The following LRRC23 variants were observed in gnomAD, a reference collection of about 807,000 sequenced individuals.
LRRC23 encodes the protein leucine rich repeat containing 23.
Under a neutral mutation model 37.7 loss-of-function variants are expected in LRRC23, and 28 were observed. The observed-to-expected ratio is 0.74, with a 90% CI of 0.55 to 1.02. The LOEUF (loss-of-function observed/expected upper bound fraction) is 1.02. LRRC23 is among the 50% of genes least tolerant of loss of function. The pLI, the probability that LRRC23 is intolerant of heterozygous loss-of-function variation, is 0.00. For synonymous variants in LRRC23, 161 were observed against 165.4 expected (o/e 0.97, Z 0.20); for missense variants, 377 against 413.2 (o/e 0.91, Z 0.76).
intron 7 of LRRC23, 173 bp from the exon 8 acceptor site, chr12:6,913,718 C>G (rs1555141154): frequency 2.2e-6 from 1 of 458,826 alleles, no homozygotes; most frequent in African/African-American, 2.0e-5. Flanking sequence ...GCGCATGCAA[C>G]CGCGCCTGGC....
At chr12:6,909,482 T>A (rs1475451334) in intron 5 of LRRC23, among the ~76,000 whole-genome samples, 1 of 100,390 alleles carries the variant, frequency 1.0e-5, no homozygotes, top group Non-Finnish European at 1.8e-5. Flanking sequence ...ATTTTATATA[T>A]TATATAATAT....
intron 4 of LRRC23, 154 bp downstream of exon 4, chr12:6,906,816 C>A: frequency 1.2e-6 from 1 of 832,554 alleles, no homozygotes; most frequent in Non-Finnish European, 1.9e-6. Context: ...GTTCTACATG[C>A]TAACCATATA....
chr12:6,911,262 T>C (rs75257261), intron 6 of LRRC23, among the ~76,000 whole-genome samples: 1,942 of 152,274 alleles, frequency 0.013, 75 homozygotes, highest in Admixed American at 0.072. Context: ...CCTCTTTCCT[T>C]AGTCAACAAG....
Position 6,905,880 on chromosome 12 carries a change from G to A in LRRC23, c.162G>A (p.Lys54=). The part of the protein sequence containing the change: ...LPTPLTEDMM[K]EGLSLLCKTG... ...CCCCCCTCACGGAGGACATGATGAA[G>A]GAAGGGCTTTCTCTGCTCTGTAAGA... Residue 54 remains lysine (K), a synonymous_variant, in exon 3 of 8, where the codon AAG becomes AAA. Transcript: ENST00000443597. 6.2e-7 allele frequency: 1 copy of A among 1,614,010 alleles called. No individual in the cohort carries two copies. Among genetic ancestry groups the A allele is most frequent in the Non-Finnish European group, 8.5e-7 (1 of 1,179,984 alleles).
chr12:6,909,775 C>T, intron 5 of LRRC23, 115 bp from the exon 6 acceptor site: 1 of 958,748 alleles, frequency 1.0e-6, no homozygotes, highest in Non-Finnish European at 1.6e-6. Context: ...CTCCTTTCTT[C>T]CACTCCTCCC....
chr12:6,909,480 T>C (rs1555140415), intron 5 of LRRC23, among the ~76,000 whole-genome samples: 1 of 95,566 alleles, frequency 1.0e-5, no homozygotes, highest in African/African-American at 4.9e-5. Flanking sequence ...ATATTTTATA[T>C]ATTATATAAT....
In LRRC23 at chr12:6,906,397, TC is replaced by T. The variant is rs782533906; in HGVS notation, c.237-10del. On this transcript the variant is annotated splice_polypyrimidine_tract_variant and intron_variant, in intron 3 of 7. Transcript: ENST00000443597. ...CCTAAACCTGGTTTCTTCTCCCTCT[TC>T]CATCTCCTAGGGACCTGACAGACAT... 1.9e-6 allele frequency: 3 copies of T among 1,611,846 alleles called. No individual in the cohort carries two copies. The highest frequency in any genetic ancestry group is 2.5e-6 in the Non-Finnish European group (3 of 1,179,024).
At chr12:6,908,836 A>T (rs868934585) in intron 5 of LRRC23, among the ~76,000 whole-genome samples, 1 of 143,588 alleles carries the variant, frequency 7.0e-6, no homozygotes, top group African/African-American at 2.6e-5. Context: ...AAAAAAAAAA[A>T]GAAAGAATCA....
At chr12:6,906,070 A>C in intron 3 of LRRC23, 116 bp downstream of exon 3, 1 of 922,224 alleles carries the variant, frequency 1.1e-6, no homozygotes, top group South Asian at 1.4e-5. Context: ...GCCTAGTGGA[A>C]AGGGAAGGAC....
intron 7 of LRRC23, 180 bp downstream of exon 7, chr12:6,913,207 C>G (rs1366286639): frequency 1.4e-5 from 9 of 625,336 alleles, no homozygotes; most frequent in Non-Finnish European, 2.5e-5. Context: ...GGGCCTGGGA[C>G]CAGCTGAGAA....
chr12:6,913,857 C>G, intron 7 of LRRC23, 34 bp from the exon 8 acceptor site: 2 of 1,509,878 alleles, frequency 1.3e-6, no homozygotes, highest in Non-Finnish European at 1.8e-6. Context: ...GCCACAGCGC[C>G]TGGTCCCTAT....
At position 6,905,900 on chromosome 12, in the gene LRRC23, G is replaced by T; in HGVS notation, c.182G>T (p.Cys61Phe). The change falls in exon 3 of 8, where the codon TGT becomes TTT. Residue 61 changes from cysteine (C) to phenylalanine (F), a missense_variant. By Grantham distance (205) the Cys-to-Phe change is radical (BLOSUM62 -2). Transcript: ENST00000443597. ...DMMKEGLSLL[C>F]KTGNGLAHAY... The stretch of plus-strand genomic sequence containing the variant: ...ATGAAGGAAGGGCTTTCTCTGCTCT[G>T]TAAGACAGGCAATGGGCTGGCTCAT... The T allele has an allele frequency of 6.2e-7, 1 of 1,614,030 alleles. No individual in the cohort carries two copies. The highest frequency in any genetic ancestry group is 1.7e-5 in the Admixed American group (1 of 60,000).
chr12:6,906,451 G>C lies in LRRC23; in HGVS notation c.279G>C (p.Leu93=). 1 of 1,614,036 alleles carries C rather than the reference G, an allele frequency of 6.2e-7. No individual in the cohort carries two copies. Among genetic ancestry groups the C allele is most frequent in the Non-Finnish European group, 8.5e-7 (1 of 1,179,978 alleles). ...ACTTGCTGCGCTCCTACATCCATCT[G>C]CGCTATGTGGATATTTCTGAGAACC... ...DIYLLRSYIH[L]RYVDISENHL... Residue 93 remains leucine, a synonymous_variant, in exon 4 of 8, where the codon CTG becomes CTC. Transcript: ENST00000443597.
chr12:6,909,166 A>T (rs191376202), intron 5 of LRRC23, among the ~76,000 whole-genome samples: 9,100 of 11,230 alleles, frequency 0.81, 3,552 homozygotes, highest in African/African-American at 0.89. Flanking sequence ...TTATATATAA[A>T]ATATATAATA....
rs903091370 is a variant in LRRC23, at chr12:6,913,998, A to G, written c.*132A>G. ...GTTTTTGCCCCAAAGCTGGAAATTCATCACAACCTGAGGCCCAGGATCTGC... is the reference window on the plus strand; with the variant it reads ...GTTTTTGCCCCAAAGCTGGAAATTCGTCACAACCTGAGGCCCAGGATCTGC... On this transcript the variant is annotated 3_prime_UTR_variant, in exon 8 of 8. Transcript: ENST00000443597. 1 of 1,613,914 alleles carries G rather than the reference A, an allele frequency of 6.2e-7. No homozygotes were observed. The highest frequency in any genetic ancestry group is 8.5e-7 in the Non-Finnish European group (1 of 1,179,916).
chr12:6,909,158 A>T (rs1437948958), intron 5 of LRRC23, among the ~76,000 whole-genome samples: 1 of 3,932 alleles, frequency 2.5e-4, no homozygotes, highest in Non-Finnish European at 3.5e-4. Flanking sequence ...ATTATATATT[A>T]TATATAAAAT....
At chr12:6,913,854 C>G (rs1205918228) in intron 7 of LRRC23, 37 bp from the exon 8 acceptor site, 2 of 1,490,264 alleles carry the variant, frequency 1.3e-6, no homozygotes, top group East Asian at 4.7e-5. Context: ...TGAGCCACAG[C>G]GCCTGGTCCC....
At chr12:6,910,836 G>A (rs1195811096) in intron 6 of LRRC23, among the ~76,000 whole-genome samples, 1 of 152,108 alleles carries the variant, frequency 6.6e-6, no homozygotes, top group African/African-American at 2.4e-5. Flanking sequence ...AGGATCACTT[G>A]AGCCCAGGAG....
chr12:6,909,055 TTA>T (rs1207796285), intron 5 of LRRC23, among the ~76,000 whole-genome samples: 1 of 84,012 alleles, frequency 1.2e-5, no homozygotes, highest in South Asian at 3.3e-4. Flanking sequence ...TAATTATATA[TTA>T]TATATAAATA....
Sources: allele counts gnomAD v4.1 joint callset (sites outside exome capture counted in the v4.1 genomes callset), GRCh38; gene constraint gnomAD v4.1.1; transcripts MANE v1.5; gene names NCBI Gene and HGNC (gene_info 2026-07-23, HGNC 2026-07-21).